Variants in RUNX1 observed in about 807,000 individuals in gnomAD.
The protein encoded by RUNX1 is runt-related transcription factor 1.
A neutral mutation model predicts 42.8 loss-of-function variants in RUNX1; 19 were observed. The observed-to-expected ratio is 0.44, with a 90% CI of 0.31 to 0.65. RUNX1 has a LOEUF of 0.65. Among genes scored for constraint, RUNX1 ranks in the 30% least tolerant of loss-of-function variants. RUNX1 has a pLI of 0.07. For missense variants in RUNX1, 528 were observed against 672.0 expected (o/e 0.79, Z 2.37); for synonymous variants, 271 against 289.4 (o/e 0.94, Z 0.64).
chr21:35,031,098 C>T (rs1018129558), intron 2 of RUNX1, among the ~76,000 whole-genome samples: 3 of 152,174 alleles, frequency 2.0e-5, no homozygotes, highest in Non-Finnish European at 4.4e-5. Context: ...CCTGTAATCC[C>T]AGCACTTTGG....
Position 34,792,333 on chromosome 21 carries a change from C to A in RUNX1, c.1245G>T (p.Gln415His), listed in dbSNP as rs1376761452. 3 of 1,552,400 alleles carry A rather than the reference C, an allele frequency of 1.9e-6. No individual in the cohort carries two copies. Among genetic ancestry groups the A allele is most frequent in the Non-Finnish European group, 2.6e-6 (3 of 1,148,618 alleles). ...LYYGASAGSY[Q>H]FSMVGGERSP... The stretch of plus-strand genomic sequence containing the variant: ...AGCGCTCGCCGCCCACCATGGAGAA[C>A]TGGTAGGAGCCGGCCGAGGCGCCGT... The change falls in exon 9 of 9, where the codon CAG (glutamine) becomes CAT (histidine). Residue 415 changes from glutamine to histidine, a missense_variant. By Grantham distance (24) the Gln-to-His change is conservative. Transcript: ENST00000675419. This position sits in a 1 kb window ranked among gnomAD's most constrained non-coding sequence, Gnocchi z 6.9.
intron 7 of RUNX1, chr21:34,830,094 C>T (rs79099157): frequency 1.1e-3 from 168 of 152,276 alleles, no homozygotes; most frequent in African/African-American, 3.4e-3. Flanking sequence ...ACTTGGAATA[C>T]TAAAAATCAA....
At chr21:34,966,194 A>G (rs2058717084) in intron 2 of RUNX1, among the ~76,000 whole-genome samples, 2 of 152,246 alleles carry the variant, frequency 1.3e-5, no homozygotes, top group African/African-American at 4.8e-5. Flanking sequence ...TCACAAGGCA[A>G]GAAAGTAGTG....
chr21:34,980,980 A>G (rs547886638), intron 2 of RUNX1, among the ~76,000 whole-genome samples: 1 of 152,340 alleles, frequency 6.6e-6, no homozygotes, highest in Non-Finnish European at 1.5e-5. Context: ...CTTAGAGAAG[A>G]CGTAGGCGGA....
At chr21:34,955,099 G>T (rs1035935838) in intron 2 of RUNX1, among the ~76,000 whole-genome samples, 1 of 152,068 alleles carries the variant, frequency 6.6e-6, no homozygotes, top group Admixed American at 6.6e-5. Flanking sequence ...TCCTAGGGCA[G>T]TTTTTTATTT....
intron 7 of RUNX1, among the ~76,000 whole-genome samples, chr21:34,801,023 T>C (rs1371925564): frequency 6.6e-6 from 1 of 152,086 alleles, no homozygotes; most frequent in East Asian, 1.9e-4. Flanking sequence ...ATCTTACAGC[T>C]AACAGTGTTT....
At chr21:35,012,102 A>T (rs1299192683) in intron 2 of RUNX1, among the ~76,000 whole-genome samples, 5 of 152,224 alleles carry the variant, frequency 3.3e-5, no homozygotes, top group African/African-American at 1.2e-4. Context: ...AGTAAATATG[A>T]TCGTTAGCTT....
At chr21:34,987,472 G>A (rs1404865813) in intron 2 of RUNX1, among the ~76,000 whole-genome samples, 2 of 152,146 alleles carry the variant, frequency 1.3e-5, no homozygotes, top group African/African-American at 2.4e-5. Context: ...TTTAGGACCC[G>A]AAAGAGAAAG....
At chr21:35,047,593 TCTCTC>T (rs1356155071) in intron 2 of RUNX1, among the ~76,000 whole-genome samples, 1 of 147,352 alleles carries the variant, frequency 6.8e-6, no homozygotes, top group Non-Finnish European at 1.5e-5. Context: ...TCTCTCTCTC[TCTCTC>T]ATCAAGTTTT....
intron 6 of RUNX1, among the ~76,000 whole-genome samples, chr21:34,855,201 C>T (rs950355539): frequency 2.0e-5 from 3 of 152,086 alleles, no homozygotes; most frequent in African/African-American, 7.2e-5. Context: ...AGTTAGGGTC[C>T]CCACTGCTCA....
intron 5 of RUNX1, among the ~76,000 whole-genome samples, chr21:34,877,081 A>G (rs1306131776): frequency 6.6e-6 from 1 of 151,270 alleles, no homozygotes; most frequent in Non-Finnish European, 1.5e-5. Flanking sequence ...CTGGTCTTGA[A>G]CTCCTGACCT....
chr21:34,940,117 T>A (rs989649029), intron 2 of RUNX1, among the ~76,000 whole-genome samples: 1 of 152,038 alleles, frequency 6.6e-6, no homozygotes, highest in African/African-American at 2.4e-5. Flanking sequence ...ATTCCGATGG[T>A]TTTTTTGCTG....
At chr21:34,942,681 G>C (rs527965094) in intron 2 of RUNX1, among the ~76,000 whole-genome samples, 1 of 152,162 alleles carries the variant, frequency 6.6e-6, no homozygotes, top group African/African-American at 2.4e-5. Flanking sequence ...AGGACAATTA[G>C]CAGGGCTAAT....
At chr21:34,847,971 C>T (rs1450494255) in intron 6 of RUNX1, among the ~76,000 whole-genome samples, 1 of 151,812 alleles carries the variant, frequency 6.6e-6, no homozygotes, top group Non-Finnish European at 1.5e-5. Flanking sequence ...TATTTGGCCC[C>T]CACTTGAACA....
At chr21:34,916,895 A>G (rs1167312429) in intron 2 of RUNX1, among the ~76,000 whole-genome samples, 1 of 152,176 alleles carries the variant, frequency 6.6e-6, no homozygotes, top group Non-Finnish European at 1.5e-5. Context: ...TCCTTTTGGG[A>G]AAGGCATCAT....
chr21:35,009,373 A>G (rs1003747376), intron 2 of RUNX1, among the ~76,000 whole-genome samples: 1 of 152,144 alleles, frequency 6.6e-6, no homozygotes, highest in African/African-American at 2.4e-5. Context: ...AGGAACCAAC[A>G]CTTCTGCACA....
chr21:34,830,019 A>G (rs2057041344), intron 7 of RUNX1: 1 of 152,224 alleles, frequency 6.6e-6, no homozygotes, highest in African/African-American at 2.4e-5. Flanking sequence ...AGACAGCAGC[A>G]CCAGAATATA....
At chr21:34,869,474 A>G (rs2057708294) in intron 5 of RUNX1, among the ~76,000 whole-genome samples, 1 of 152,182 alleles carries the variant, frequency 6.6e-6, no homozygotes, top group South Asian at 2.1e-4. Flanking sequence ...TGTCATCATT[A>G]CGAATCAAAG....
chr21:35,048,459 G>A (rs1174140368), intron 2 of RUNX1, among the ~76,000 whole-genome samples: 1 of 152,176 alleles, frequency 6.6e-6, no homozygotes, highest in Non-Finnish European at 1.5e-5. Flanking sequence ...ACAGCATGCC[G>A]AGTTAAGGAT....
Sources: allele counts gnomAD v4.1 joint callset (sites outside exome capture counted in the v4.1 genomes callset), GRCh38; gene constraint gnomAD v4.1.1; non-coding constraint Gnocchi (gnomAD v3.1); transcripts MANE v1.5; gene names NCBI Gene and HGNC (gene_info 2026-07-23, HGNC 2026-07-21).